Variants in CRIM1 observed in about 807,000 individuals in gnomAD.
CRIM1 encodes cysteine-rich motor neuron 1 protein.
CRIM1 carries 32 observed loss-of-function variants against 116.4 expected under a neutral mutation model. The observed-to-expected ratio is 0.27, with a 90% CI of 0.21 to 0.37. The LOEUF (loss-of-function observed/expected upper bound fraction) is 0.37. CRIM1 is among the 10% of genes least tolerant of loss of function. The pLI is 1.00. For synonymous variants in CRIM1, 590 were observed against 509.2 expected (o/e 1.16, Z -2.13); for missense variants, 1,331 against 1,354.8 (o/e 0.98, Z 0.28).
intron 5 of CRIM1, among the ~76,000 whole-genome samples, chr2:36,469,663 T>A (rs1678335505): frequency 6.6e-6 from 1 of 152,084 alleles, no homozygotes; most frequent in Non-Finnish European, 1.5e-5. Flanking sequence ...AAAACACTAG[T>A]ACAGAAAACA....
intron 1 of CRIM1, chr2:36,378,414 C>A (rs1472595563): frequency 2.1e-6 from 1 of 471,114 alleles, no homozygotes; most frequent in Admixed American, 2.3e-5. Context: ...CAAAGAGGAA[C>A]AAATGGTCCC....
At chr2:36,509,282 T>C (rs1681642983) in intron 8 of CRIM1, among the ~76,000 whole-genome samples, 1 of 152,156 alleles carries the variant, frequency 6.6e-6, no homozygotes, top group Admixed American at 6.5e-5. Context: ...CTTGGGAAGC[T>C]GACACTGGCG....
intron 6 of CRIM1, 136 bp from the exon 7 acceptor site, chr2:36,479,361 A>T: frequency 1.3e-6 from 1 of 786,924 alleles, no homozygotes; most frequent in Non-Finnish European, 2.1e-6. Flanking sequence ...TCCTCATGCA[A>T]CCCTGCGCTT....
intron 4 of CRIM1, among the ~76,000 whole-genome samples, chr2:36,462,458 GT>G (rs1161867162): frequency 5.1e-4 from 77 of 152,366 alleles, no homozygotes; most frequent in Non-Finnish European, 4.4e-5. Context: ...TCAGTGTGGT[GT>G]GACTCCTAAC....
intron 1 of CRIM1, among the ~76,000 whole-genome samples, chr2:36,360,409 T>G (rs1358627343): frequency 1.3e-5 from 2 of 152,218 alleles, no homozygotes; most frequent in South Asian, 4.1e-4. Flanking sequence ...TTTTGGAACT[T>G]AGCATTCCAT....
Position 36,449,118 on chromosome 2 carries a change from G to C in CRIM1, c.869+6383G>C, listed in dbSNP as rs561552830. Among the ~76,000 whole-genome samples the C allele has an allele frequency of 1.9e-4, 28 of 149,330 alleles. 2 individuals carry two copies. The highest frequency in any genetic ancestry group is 9.8e-4 in the East Asian group (5 of 5,100). On this transcript the variant is annotated intron_variant, in intron 4 of 16. Transcript: ENST00000280527. ...ATATGTTGACTAATATGTGACTTCTGTTTTCACCAAAAAATGTAATAGAAT... is the reference window on the plus strand; with the variant it reads ...ATATGTTGACTAATATGTGACTTCTCTTTTCACCAAAAAATGTAATAGAAT...
In CRIM1 at chr2:36,550,053, G is replaced by GTC. The variant is rs1486825205; in HGVS notation, c.*1353_*1354insCT. Reference sequence around the variant, plus strand: ...TGTGAGAGTATGTATGTGTGTGTGTGTGTGTGTGTGTGTGCGCGCGCACGC... The same window carrying GTC: ...TGTGAGAGTATGTATGTGTGTGTGTGTCTGTGTGTGTGTGTGCGCGCGCACGC... On this transcript the variant is annotated 3_prime_UTR_variant, in exon 17 of 17. Transcript: ENST00000280527. 3 of 147,726 alleles carry GTC rather than the reference G, an allele frequency of 2.0e-5. No homozygotes were observed. Among genetic ancestry groups the GTC allele is most frequent in the African/African-American group, 7.5e-5 (3 of 39,778 alleles). 9.2% of individuals were successfully genotyped at this position (147,726 alleles called of 1,614,324 possible).
chr2:36,364,606 T>C (rs1669466323), intron 1 of CRIM1, among the ~76,000 whole-genome samples: 1 of 152,200 alleles, frequency 6.6e-6, no homozygotes, highest in Non-Finnish European at 1.5e-5. Context: ...CCTGCACTTC[T>C]TGTGCAGGAT....
intron 7 of CRIM1, 44 bp downstream of exon 7, chr2:36,479,738 G>C: frequency 6.4e-7 from 1 of 1,568,744 alleles, no homozygotes; most frequent in South Asian, 1.1e-5. Flanking sequence ...AATGTCTTCT[G>C]TTGGAGAAGC....
At chr2:36,376,599 G>A (rs1370883981) in intron 1 of CRIM1, among the ~76,000 whole-genome samples, 2 of 152,194 alleles carry the variant, frequency 1.3e-5, no homozygotes, top group East Asian at 1.9e-4. Context: ...CTTGCCAGGG[G>A]TAAATGCTGG....
intron 5 of CRIM1, among the ~76,000 whole-genome samples, chr2:36,471,486 C>G (rs1678510403): frequency 6.6e-6 from 1 of 152,092 alleles, no homozygotes; most frequent in Admixed American, 6.5e-5. Flanking sequence ...AAGGCAATAC[C>G]CTCCACCAGC....
At chr2:36,532,292 T>A (rs945955838) in intron 13 of CRIM1, among the ~76,000 whole-genome samples, 1 of 152,242 alleles carries the variant, frequency 6.6e-6, no homozygotes, top group Non-Finnish European at 1.5e-5. Flanking sequence ...AACCCCTGAT[T>A]GGTTTGTTTT....
At chr2:36,405,701 A>G (rs957395972) in intron 2 of CRIM1, among the ~76,000 whole-genome samples, 1 of 152,196 alleles carries the variant, frequency 6.6e-6, no homozygotes, top group African/African-American at 2.4e-5. Context: ...CATATCTTCA[A>G]GTAGTCACTG....
chr2:36,545,029 A>G (rs1488962746), intron 15 of CRIM1, among the ~76,000 whole-genome samples: 1 of 152,162 alleles, frequency 6.6e-6, no homozygotes, highest in Admixed American at 6.5e-5. Flanking sequence ...GTCTGTGCGT[A>G]ATAAAGATGT....
chr2:36,451,716 G>T (rs1324428970), intron 4 of CRIM1, among the ~76,000 whole-genome samples: 1 of 152,190 alleles, frequency 6.6e-6, no homozygotes, highest in Admixed American at 6.5e-5. Context: ...CTTTAGGAGG[G>T]TGTTGGGAGG....
intron 1 of CRIM1, among the ~76,000 whole-genome samples, chr2:36,385,574 T>C (rs1671112201): frequency 6.6e-6 from 1 of 152,164 alleles, no homozygotes; most frequent in Admixed American, 6.5e-5. Context: ...CTGCTTGTCC[T>C]GGTGGTTAAA....
intron 12 of CRIM1, among the ~76,000 whole-genome samples, chr2:36,521,593 C>T (rs1438647528): frequency 6.6e-6 from 1 of 152,168 alleles, no homozygotes; most frequent in African/African-American, 2.4e-5. Flanking sequence ...CAGCCGTGAT[C>T]AACGCACTCC....
chr2:36,519,854 T>A (rs1038357990), intron 12 of CRIM1, among the ~76,000 whole-genome samples: 2 of 152,108 alleles, frequency 1.3e-5, no homozygotes, highest in East Asian at 1.9e-4. Flanking sequence ...TTTCCATAAG[T>A]TTAAAATTTT....
intron 8 of CRIM1, among the ~76,000 whole-genome samples, chr2:36,501,630 G>A (rs572588431): frequency 1.3e-5 from 2 of 152,268 alleles, no homozygotes; most frequent in South Asian, 4.1e-4. Context: ...TCTAAGGTGG[G>A]GCGATCTCTT....
Sources: gnomAD v4.1 joint callset for allele counts (sites outside exome capture counted in the v4.1 genomes callset) on GRCh38, gnomAD v4.1.1 for gene constraint, MANE v1.5 for transcripts, NCBI Gene and HGNC (gene_info 2026-07-23, HGNC 2026-07-21) for gene names.